XRN1: variants seen among roughly 807,000 people sequenced by gnomAD.
XRN1 encodes 5'-3' exoribonuclease 1.
In XRN1, 67 loss-of-function variants were observed where a neutral mutation model predicts 222.3. That is an observed-to-expected ratio of 0.30 (90% CI 0.25 to 0.37). The LOEUF (loss-of-function observed/expected upper bound fraction) is 0.37, where lower values mean the gene tolerates loss of function less well. XRN1 is among the 10% of genes least tolerant of loss of function. The pLI is 1.00. For missense variants in XRN1, 1,707 were observed against 2,000.2 expected (o/e 0.85, Z 2.80); for synonymous variants, 643 against 652.4 (o/e 0.99, Z 0.22).
intron 2 of XRN1, 79 bp downstream of exon 2, chr3:142,432,582 G>A: frequency 9.6e-6 from 12 of 1,252,128 alleles, no homozygotes; most frequent in African/African-American, 1.5e-5. Context: ...ACAGAAGATT[G>A]TGTTAAATCA....
intron 12 of XRN1, 71 bp from the exon 13 acceptor site, chr3:142,417,300 G>T: frequency 1.7e-6 from 2 of 1,211,310 alleles, no homozygotes; most frequent in Non-Finnish European, 2.4e-6. Context: ...CACGGTATCT[G>T]CTGATACAAC....
intron 27 of XRN1, among the ~76,000 whole-genome samples, chr3:142,370,050 G>GAAAAAAA (rs1163944480): frequency 2.9e-5 from 2 of 69,972 alleles, no homozygotes; most frequent in Non-Finnish European, 3.6e-5. Flanking sequence ...CTGTCTCAAA[G>GAAAAAAA]AAAAAAAAAA....
At chr3:142,335,161 TCC>T (rs2065819860) in intron 34 of XRN1, among the ~76,000 whole-genome samples, 1 of 152,108 alleles carries the variant, frequency 6.6e-6, no homozygotes, top group Non-Finnish European at 1.5e-5. Flanking sequence ...TATTTTTATC[TCC>T]ACTTAAAGAT....
chr3:142,420,989 T>C, intron 10 of XRN1, 27 bp downstream of exon 10: 2 of 1,612,652 alleles, frequency 1.2e-6, no homozygotes, highest in South Asian at 2.2e-5. Flanking sequence ...GTTAAAACAA[T>C]GAAAGGACAC....
At chr3:142,356,809 A>G in intron 31 of XRN1, 103 bp downstream of exon 31, 1 of 1,279,264 alleles carries the variant, frequency 7.8e-7, no homozygotes, top group Non-Finnish European at 1.1e-6. Flanking sequence ...CTTTTTAAAT[A>G]AAAGAGGGAA....
At chr3:142,314,733 G>GTCTCTA (rs1297546077) in intron 39 of XRN1, among the ~76,000 whole-genome samples, 1 of 151,462 alleles carries the variant, frequency 6.6e-6, no homozygotes, top group Non-Finnish European at 1.5e-5. Flanking sequence ...GTGAAACCCT[G>GTCTCTA]TCTCTATAAA....
chr3:142,370,113 C>A (rs1214760801), intron 27 of XRN1, among the ~76,000 whole-genome samples: 1 of 150,950 alleles, frequency 6.6e-6, no homozygotes, highest in Non-Finnish European at 1.5e-5. Flanking sequence ...TAACCTTATT[C>A]TCAAACTTTC....
At chr3:142,389,106 A>C (rs1276201271) in intron 20 of XRN1, among the ~76,000 whole-genome samples, 1 of 152,190 alleles carries the variant, frequency 6.6e-6, no homozygotes, top group African/African-American at 2.4e-5. Flanking sequence ...CCAGCTACTC[A>C]GGAGGCTGAG....
At position 142,351,879 on chromosome 3, in the gene XRN1, GAGA is replaced by G. The variant is rs891830936; in HGVS notation, c.3768+3519_3768+3521del. Among the ~76,000 whole-genome samples, 4 of 149,192 alleles carry G rather than the reference GAGA, an allele frequency of 2.7e-5. No homozygotes were observed. In the East Asian group the frequency reaches 5.9e-4, roughly 22 times the overall value. On this transcript the variant is annotated intron_variant, in intron 32 of 40. Transcript: ENST00000392981. The stretch of plus-strand genomic sequence containing the variant: ...TCCCATCTTAGACAAGGCAGCATGA[GAGA>G]AGAAGAACATTTTTTTTTAAGTTAA...
chr3:142,432,476 ACAT>A (rs771238791), intron 2 of XRN1, among the ~76,000 whole-genome samples, 182 bp downstream of exon 2: 81 of 151,862 alleles, frequency 5.3e-4, no homozygotes, highest in Non-Finnish European at 1.0e-3. Flanking sequence ...TTGAGAAAGG[ACAT>A]CTCACTGAGT....
Position 142,359,810 on chromosome 3 carries a change from C to G in XRN1, c.3464+52G>C, listed in dbSNP as rs375791354. 1.8e-5 allele frequency: 24 copies of G among 1,350,860 alleles called. No homozygotes were observed. In the Middle Eastern group the frequency reaches 2.2e-3, roughly 124 times the overall value. The allele number at this position is 1,350,860 out of a possible 1,614,324, so 83.7% of individuals were successfully genotyped here. A position where few individuals can be genotyped will look rare whatever the true frequency, so the allele number is the denominator to read the frequency against. On this transcript the variant is annotated intron_variant, in intron 30 of 40. Coordinates refer to ENST00000392981, the MANE Select transcript of XRN1 (RefSeq NM_001282857.2). ...ACAAATAAAAAGTAATGTAAAGTCA[C>G]TGGCCACATGAACATATTCACAAAG...
chr3:142,383,348 T>G lies in XRN1; in HGVS notation c.2568A>C (p.Arg856Ser). ...GAGTTCCCAGCATAAAGACCATACTTCTCAGAGGAAACAAATCATCCAATG... is the reference window on the plus strand; with the variant it reads ...GAGTTCCCAGCATAAAGACCATACTGCTCAGAGGAAACAAATCATCCAATG... ...IKTLDDLFPL[R>S]SMVFMLGTPY... Residue 856 changes from arginine to serine, a missense_variant, in exon 22 of 41, where the codon AGA (arginine) becomes AGC (serine). Around this residue, in one of 2 missense-constraint regions of XRN1, gnomAD observed 1,234 missense variants for 1,518.2 expected, o/e 0.81. Transcript: ENST00000392981. 1 of 1,614,012 alleles carries G rather than the reference T, an allele frequency of 6.2e-7. No homozygotes were observed.
chr3:142,412,215 T>C (rs1577389706), intron 15 of XRN1, among the ~76,000 whole-genome samples: 1 of 152,226 alleles, frequency 6.6e-6, no homozygotes, highest in African/African-American at 2.4e-5. Context: ...TTTTGCTTCA[T>C]GTATTTTAGG....
intron 25 of XRN1, 38 bp downstream of exon 25, chr3:142,375,760 A>AT (rs760137611): frequency 3.9e-6 from 6 of 1,546,834 alleles, no homozygotes; most frequent in Middle Eastern, 1.8e-4. Flanking sequence ...TTTTCCTAAG[A>AT]TTTTGGAATG....
chr3:142,357,165 ATG>A (rs1356740395), intron 30 of XRN1, 46 bp from the exon 31 acceptor site: 1 of 1,528,106 alleles, frequency 6.5e-7, no homozygotes. Flanking sequence ...ACAATACTAA[ATG>A]TGTTAGGGAG....
chr3:142,319,171 T>C (rs1004479087), intron 37 of XRN1, among the ~76,000 whole-genome samples: 1 of 152,114 alleles, frequency 6.6e-6, no homozygotes, highest in African/African-American at 2.4e-5. Flanking sequence ...ATACAAGGAG[T>C]TGACAAACTA....
chr3:142,370,798 A>G (rs2107887709), intron 26 of XRN1, among the ~76,000 whole-genome samples, 178 bp from the exon 27 acceptor site: 1 of 152,324 alleles, frequency 6.6e-6, no homozygotes, highest in African/African-American at 2.4e-5. Context: ...ACACAAAAAG[A>G]TTAGTTTAAA....
chr3:142,383,697 A>C (rs2067385822), intron 21 of XRN1, among the ~76,000 whole-genome samples: 1 of 152,188 alleles, frequency 6.6e-6, no homozygotes, highest in Non-Finnish European at 1.5e-5. Flanking sequence ...AAAGGGGATG[A>C]ATCTTGTCCA....
chr3:142,358,279 G>A (rs1360486760), intron 30 of XRN1, among the ~76,000 whole-genome samples: 1 of 152,142 alleles, frequency 6.6e-6, no homozygotes, highest in Non-Finnish European at 1.5e-5. Context: ...AGGCTTAAGA[G>A]ACAAGTATTT....
Sources: gnomAD v4.1 joint callset for allele counts (sites outside exome capture counted in the v4.1 genomes callset) on GRCh38, gnomAD v4.1.1 for gene constraint, gnomAD v4.1.1 regional missense constraint, MANE v1.5 for transcripts, NCBI Gene and HGNC (gene_info 2026-07-23, HGNC 2026-07-21) for gene names.